CPEB3: variants seen among roughly 807,000 people sequenced by gnomAD.
CPEB3 encodes cytoplasmic polyadenylation element binding protein 3, also known as cytoplasmic polyadenylation element-binding protein 3.
In CPEB3, 20 loss-of-function variants were observed where a neutral mutation model predicts 67.2. The observed-to-expected ratio is 0.30, with a 90% CI of 0.21 to 0.43. CPEB3 has a LOEUF of 0.43. CPEB3 is among the 20% of genes least tolerant of loss of function. CPEB3 has a pLI of 1.00. For missense variants in CPEB3, 746 were observed against 968.6 expected, an observed-to-expected ratio of 0.77 and a Z score of 3.05; for synonymous variants, 376 against 393.1, an observed-to-expected ratio of 0.96 and a Z score of 0.51.
chr10:92,144,968 C>T lies in CPEB3; in HGVS notation c.1340G>A (p.Gly447Glu). Residue 447 changes from glycine to glutamate, a missense_variant, in exon 5 of 10, where the codon GGA becomes GAA. Physicochemically the swap from Gly to Glu is moderately conservative, Grantham distance 98 (BLOSUM62 -2). Around this residue, in one of 2 missense-constraint regions of CPEB3, gnomAD observed 643 missense variants for 717.5 expected, o/e 0.90. Transcript: ENST00000265997. ...ACCTTCATCAATATCAGGAGGAAGT[C>T]CTCCAACAAACACCTTTCTAGAGTA... ...ERYSRKVFVG[G>E]LPPDIDEDEI... 1 of 1,614,052 alleles carries T rather than the reference C, an allele frequency of 6.2e-7. No individual in the cohort carries two copies. The highest frequency in any genetic ancestry group is 8.5e-7 in the Non-Finnish European group (1 of 1,180,000).
intron 7 of CPEB3, among the ~76,000 whole-genome samples, chr10:92,100,580 A>T (rs1331498915): frequency 1.3e-5 from 2 of 151,484 alleles, no homozygotes; most frequent in African/African-American, 2.4e-5. Flanking sequence ...CCAGCCAATA[A>T]GAATGGTTTT....
chr10:92,052,235 G>A lies in CPEB3; in HGVS notation c.2074C>T (p.His692Tyr). 6.2e-7 allele frequency: 1 copy of A among 1,613,720 alleles called. No homozygotes were observed. Among genetic ancestry groups the A allele is most frequent in the Non-Finnish European group, 8.5e-7 (1 of 1,179,776 alleles). ...LVKEGGDRPR[H>Y]VPFRWS The stretch of plus-strand genomic sequence containing the variant: ...GCTCAGCTCCAGCGGAACGGGACGT[G>A]ACGAGGGCGGTCGCCTCCCTCCTTC... Residue 692 changes from histidine to tyrosine, a missense_variant, in exon 10 of 10, where the codon CAC becomes TAC. Physicochemically the swap from His to Tyr is moderately conservative, Grantham distance 83. Coordinates refer to ENST00000265997, the MANE Select transcript of CPEB3 (RefSeq NM_014912.5).
At chr10:92,052,698 TAC>T (rs1841944130) in intron 9 of CPEB3, among the ~76,000 whole-genome samples, 1 of 152,218 alleles carries the variant, frequency 6.6e-6, no homozygotes, top group Non-Finnish European at 1.5e-5. Context: ...TGGGTATGTT[TAC>T]ACACACATAA....
chr10:92,054,604 T>C (rs1842043774), intron 9 of CPEB3, among the ~76,000 whole-genome samples: 1 of 151,874 alleles, frequency 6.6e-6, no homozygotes, highest in South Asian at 2.1e-4. Context: ...CACACCCAAA[T>C]ATAATTTTTA....
chr10:92,169,188 G>C (rs1847891499), intron 4 of CPEB3, among the ~76,000 whole-genome samples: 2 of 149,954 alleles, frequency 1.3e-5, no homozygotes, highest in Non-Finnish European at 3.0e-5. Flanking sequence ...GCACAGGCTA[G>C]AGTGCAATGG....
chr10:92,141,621 TAAAGTA>T (rs1335968840), intron 6 of CPEB3, among the ~76,000 whole-genome samples: 1 of 150,568 alleles, frequency 6.6e-6, no homozygotes, highest in East Asian at 1.9e-4. Context: ...CCCTAAAACT[TAAAGTA>T]TAATAATAAT....
chr10:92,107,848 G>T (rs1407660942), intron 7 of CPEB3, among the ~76,000 whole-genome samples: 1 of 152,116 alleles, frequency 6.6e-6, no homozygotes, highest in Admixed American at 6.5e-5. Flanking sequence ...AATCTTTCAG[G>T]ACCAGACCTA....
At chr10:92,260,792 A>G (rs1786252967) in intron 1 of CPEB3, among the ~76,000 whole-genome samples, 1 of 152,030 alleles carries the variant, frequency 6.6e-6, no homozygotes, top group African/African-American at 2.4e-5. Flanking sequence ...TATTTTTAGT[A>G]GAGACGGGGT....
intron 2 of CPEB3, chr10:92,216,918 A>G: frequency 3.8e-6 from 3 of 794,112 alleles, no homozygotes; most frequent in Middle Eastern, 7.1e-4. Flanking sequence ...ACGCCTTCTT[A>G]CCAGGCAGCT....
intron 2 of CPEB3, chr10:92,204,081 C>T (rs1328271957): frequency 5.9e-5 from 9 of 152,084 alleles, no homozygotes; most frequent in Admixed American, 5.9e-4. Flanking sequence ...TCTTCAGAGG[C>T]CCAGCTGACC....
At chr10:92,251,844 G>A (rs907117178) in intron 1 of CPEB3, among the ~76,000 whole-genome samples, 13 of 151,904 alleles carry the variant, frequency 8.6e-5, no homozygotes, top group African/African-American at 3.1e-4. Flanking sequence ...GGGAGACTGA[G>A]GCATGAGAAT....
At position 92,052,124 on chromosome 10, in the gene CPEB3, T is replaced by G; in HGVS notation, c.*88A>C. On this transcript the variant is annotated 3_prime_UTR_variant, in exon 10 of 10. Transcript: ENST00000265997. ...AAAATCGAGAACGAATGCACAGATT[T>G]CCAGAACACTGTAAGCCCTGAGGCA... The G allele has an allele frequency of 1.3e-6, 1 of 793,374 alleles. No homozygotes were observed. The highest frequency in any genetic ancestry group is 2.1e-6 in the Non-Finnish European group (1 of 482,342). 49.1% of individuals were successfully genotyped at this position (793,374 alleles called of 1,614,324 possible).
At chr10:92,165,223 G>A (rs548873276) in intron 4 of CPEB3, among the ~76,000 whole-genome samples, 2 of 152,182 alleles carry the variant, frequency 1.3e-5, no homozygotes, top group South Asian at 2.1e-4. Flanking sequence ...GAGGTGGGAG[G>A]ACTGTTTGAG....
At chr10:92,186,673 G>A (rs1009199418) in intron 3 of CPEB3, among the ~76,000 whole-genome samples, 6 of 152,096 alleles carry the variant, frequency 3.9e-5, no homozygotes, top group African/African-American at 7.2e-5. Context: ...GACCTCAAGC[G>A]ATCTGCCCGC....
At chr10:92,195,874 T>G (rs554919028) in intron 2 of CPEB3, among the ~76,000 whole-genome samples, 1 of 152,268 alleles carries the variant, frequency 6.6e-6, no homozygotes, top group East Asian at 1.9e-4. Context: ...GCCAAAGAAA[T>G]TATTTAAATC....
At chr10:92,169,144 GT>G (rs34716605) in intron 4 of CPEB3, among the ~76,000 whole-genome samples, 46 of 131,574 alleles carry the variant, frequency 3.5e-4, no homozygotes, top group South Asian at 4.9e-4. Flanking sequence ...AGGTTTTGTT[GT>G]TTTTTTTTTT....
At chr10:92,152,008 C>A (rs1846990419) in intron 4 of CPEB3, among the ~76,000 whole-genome samples, 1 of 152,172 alleles carries the variant, frequency 6.6e-6, no homozygotes, top group Non-Finnish European at 1.5e-5. Context: ...TAAATCCAAT[C>A]ATTTGACCTT....
chr10:92,174,865 CAA>C (rs1277941139), intron 4 of CPEB3, among the ~76,000 whole-genome samples: 1 of 151,918 alleles, frequency 6.6e-6, no homozygotes, highest in Non-Finnish European at 1.5e-5. Flanking sequence ...CTATGATCTT[CAA>C]AAAAAGAAAA....
At chr10:92,137,370 C>A in intron 6 of CPEB3, 1 of 1,090,292 alleles carries the variant, frequency 9.2e-7, no homozygotes, top group South Asian at 1.6e-5. Context: ...ACCTGTCTCC[C>A]AAATACATCA....
Sources: allele counts gnomAD v4.1 joint callset (sites outside exome capture counted in the v4.1 genomes callset), GRCh38; gene constraint gnomAD v4.1.1; regional missense constraint gnomAD v4.1.1; transcripts MANE v1.5; gene names NCBI Gene and HGNC (gene_info 2026-07-23, HGNC 2026-07-21).